Variants in RTTN observed in about 807,000 individuals in gnomAD.
RTTN encodes rotatin.
RTTN carries 182 observed loss-of-function variants against 269.2 expected under a neutral mutation model. The ratio of observed to expected loss-of-function variants is 0.68; its 90% CI spans 0.60 to 0.76. The LOEUF (loss-of-function observed/expected upper bound fraction) is 0.76. RTTN is among the 30% of genes least tolerant of loss of function. The pLI is 0.00. For synonymous variants in RTTN, 1,006 were observed against 963.5 expected (o/e 1.04, Z -0.82); for missense variants, 2,545 against 2,608.6 (o/e 0.98, Z 0.53).
At chr18:70,035,215 T>A (rs1405612398) in intron 40 of RTTN, among the ~76,000 whole-genome samples, 6 of 152,146 alleles carry the variant, frequency 3.9e-5, no homozygotes, top group Non-Finnish European at 7.4e-5. Context: ...AAAAAACTTT[T>A]AAAATTCATA....
In RTTN at chr18:70,166,005, C is replaced by T. The variant is rs1377098874; in HGVS notation, c.1929+57G>A. Reference sequence around the variant, plus strand: ...AAGTAAATTAAGTTTGAAGGTATAACAAGAGAGTCTACTATTTGTTCTCAA... The same window carrying T: ...AAGTAAATTAAGTTTGAAGGTATAATAAGAGAGTCTACTATTTGTTCTCAA... On this transcript the variant is annotated intron_variant, in intron 14 of 48. Transcript: ENST00000640769. The T allele has an allele frequency of 5.7e-6, 9 of 1,570,628 alleles. No homozygotes were observed. The Admixed American group carries it at 1.0e-4, about 18-fold the overall frequency.
intron 46 of RTTN, among the ~76,000 whole-genome samples, chr18:70,009,338 A>G (rs906345093): frequency 6.6e-6 from 1 of 152,060 alleles, no homozygotes; most frequent in African/African-American, 2.4e-5. Flanking sequence ...GGGTTTTACC[A>G]TATGGGCCAG....
Position 70,128,096 on chromosome 18 carries a change from T to C in RTTN, c.3143+262A>G, listed in dbSNP as rs1228650593. On this transcript the variant is annotated intron_variant, in intron 24 of 48. Coordinates refer to ENST00000640769, the MANE Select transcript of RTTN (RefSeq NM_173630.4). ...CCAGGACCCTTTTCCTAGTGATTCATATCTACGAACAAATCAGACTTTAAC... is the reference window on the plus strand; with the variant it reads ...CCAGGACCCTTTTCCTAGTGATTCACATCTACGAACAAATCAGACTTTAAC... 1.2e-5 allele frequency: 5 copies of C among 430,742 alleles called. No individual in the cohort carries two copies. The Admixed American group carries it at 1.2e-4, about 10-fold the overall frequency. 26.7% of individuals were successfully genotyped at this position (430,742 alleles called of 1,614,324 possible).
chr18:70,157,537 T>C (rs2060714499), intron 14 of RTTN, among the ~76,000 whole-genome samples: 1 of 152,200 alleles, frequency 6.6e-6, no homozygotes, highest in South Asian at 2.1e-4. Flanking sequence ...AGTGTAAGAA[T>C]TCTGGCAATT....
rs999173470 is a variant in RTTN, at chr18:70,150,690, A to C, written c.1973T>G (p.Leu658Arg). The stretch of plus-strand genomic sequence containing the variant: ...AAGTAGAAAATGAATTCCATTGCAA[A>C]GTGAAGACACGGGTTTAGTGACATT... ...VHNVTKPVSS[L>R]CNGIHFLLHP... The change falls in exon 15 of 49, where the codon CTT (leucine) becomes CGT (arginine). Residue 658 changes from leucine to arginine, a missense_variant. By Grantham distance (102) the Leu-to-Arg change is moderately radical (BLOSUM62 -2). Coordinates refer to ENST00000640769, the MANE Select transcript of RTTN (RefSeq NM_173630.4). The C allele has an allele frequency of 1.2e-6, 2 of 1,609,914 alleles. No homozygotes were observed. Among genetic ancestry groups the C allele is most frequent in the African/African-American group, 1.3e-5 (1 of 74,816 alleles).
intron 40 of RTTN, among the ~76,000 whole-genome samples, chr18:70,032,760 G>C (rs1489622616): frequency 6.6e-6 from 1 of 152,102 alleles, no homozygotes; most frequent in Non-Finnish European, 1.5e-5. Context: ...GACAGTATTA[G>C]ACAGATAATC....
intron 40 of RTTN, among the ~76,000 whole-genome samples, chr18:70,047,356 G>GT (rs2057520040): frequency 6.6e-6 from 1 of 152,138 alleles, no homozygotes; most frequent in Non-Finnish European, 1.5e-5. Context: ...TAAACACACA[G>GT]TTTTTAAAAA....
intron 19 of RTTN, among the ~76,000 whole-genome samples, chr18:70,141,287 A>T (rs1206523616): frequency 2.0e-5 from 3 of 152,178 alleles, no homozygotes; most frequent in African/African-American, 4.8e-5. Flanking sequence ...TTTCTCATAA[A>T]TATTAAAGTA....
intron 11 of RTTN, among the ~76,000 whole-genome samples, chr18:70,176,096 T>C (rs981718777): frequency 6.6e-6 from 1 of 152,074 alleles, no homozygotes; most frequent in African/African-American, 2.4e-5. Context: ...TATTCGTATA[T>C]TAAGACATAA....
chr18:70,131,398 G>C (rs2080651708), intron 23 of RTTN: 1 of 150,864 alleles, frequency 6.6e-6, no homozygotes, highest in Non-Finnish European at 1.5e-5. Flanking sequence ...AAAAAAAGAA[G>C]AGCAAATAAA....
intron 38 of RTTN, among the ~76,000 whole-genome samples, chr18:70,052,962 C>G (rs2057716561): frequency 6.6e-6 from 1 of 152,034 alleles, no homozygotes; most frequent in African/African-American, 2.4e-5. Context: ...AATTAATTTT[C>G]AAAGCTCAAA....
rs1235686122 is a variant in RTTN at position 70,148,961 on chromosome 18, A to T, written c.2249T>A (p.Met750Lys). ...CTTTAATCGGGTAGTACACGGAAGC[A>T]TCTCTTCTGTGTCAGAACTTGCTTT... is the stretch of plus-strand genomic sequence containing the variant. ...LSKASSDTEEMLPCTTRLKSM... is the reference protein window; with the variant it reads ...LSKASSDTEEKLPCTTRLKSM... Residue 750 changes from methionine to lysine, a missense_variant, in exon 17 of 49, where the codon ATG (methionine) becomes AAG (lysine). Met to Lys is a moderately conservative substitution (Grantham distance 95). Transcript: ENST00000640769. 6.2e-7 allele frequency: 1 copy of T among 1,613,578 alleles called. No individual in the cohort carries two copies.
Position 70,128,357 on chromosome 18 carries a change from C to T in RTTN, c.3143+1G>A. On this transcript the variant is annotated splice_donor_variant, in intron 24 of 48. Transcript: ENST00000640769. LOFTEE classifies it high-confidence loss of function. Reference sequence around the variant, plus strand: ...CTTTTTAAACTAATATAAGAGCTTACTCTTGCGTTTTAGTTTCAGAGTTCA... The same window carrying T: ...CTTTTTAAACTAATATAAGAGCTTATTCTTGCGTTTTAGTTTCAGAGTTCA... 1 of 1,609,396 alleles carries T rather than the reference C, an allele frequency of 6.2e-7. No homozygotes were observed. The highest frequency in any genetic ancestry group is 2.2e-5 in the East Asian group (1 of 44,822).
chr18:70,035,091 C>A (rs1040261157), intron 40 of RTTN, among the ~76,000 whole-genome samples: 1 of 152,148 alleles, frequency 6.6e-6, no homozygotes, highest in Non-Finnish European at 1.5e-5. Flanking sequence ...AAAAACATTC[C>A]ATGAACATGG....
At chr18:70,088,832 C>T (rs2058768437) in intron 30 of RTTN, among the ~76,000 whole-genome samples, 1 of 151,936 alleles carries the variant, frequency 6.6e-6, no homozygotes, top group African/African-American at 2.4e-5. Context: ...TCAAATATTT[C>T]TATAAATAAG....
In RTTN at chr18:70,205,625, T is replaced by A. The variant is rs751744546; in HGVS notation, c.31+3A>T. ...CTTGGGCGAGGGGCAAGCTGACAGT[T>A]ACCGAGTTTCCTGATGAGCCCTGCC... On this transcript the variant is annotated splice_donor_region_variant and intron_variant, in intron 1 of 48. Transcript: ENST00000640769. 6.2e-7 allele frequency: 1 copy of A among 1,614,068 alleles called. No homozygotes were observed. The highest frequency in any genetic ancestry group is 2.2e-5 in the East Asian group (1 of 44,848).
At chr18:70,203,517 GT>G (rs1361493879) in intron 3 of RTTN, among the ~76,000 whole-genome samples, 2 of 152,116 alleles carry the variant, frequency 1.3e-5, no homozygotes, top group African/African-American at 4.8e-5. Flanking sequence ...TATTATCCCA[GT>G]TTTTGAATGA....
chr18:70,172,295 T>A (rs981065173), intron 11 of RTTN, among the ~76,000 whole-genome samples: 3 of 152,144 alleles, frequency 2.0e-5, no homozygotes, highest in Non-Finnish European at 4.4e-5. Context: ...AATCTCTACA[T>A]AGATTCATAT....
intron 14 of RTTN, among the ~76,000 whole-genome samples, chr18:70,153,719 A>G (rs1290763626): frequency 1.3e-5 from 2 of 152,336 alleles, no homozygotes; most frequent in Admixed American, 6.5e-5. Flanking sequence ...GACATAGCCA[A>G]TTAAAGTGAA....
Sources: gnomAD v4.1 joint callset for allele counts (sites outside exome capture counted in the v4.1 genomes callset) on GRCh38, gnomAD v4.1.1 for gene constraint, MANE v1.5 for transcripts, NCBI Gene and HGNC (gene_info 2026-07-23, HGNC 2026-07-21) for gene names.